The following PCDHGA3 variants were observed in gnomAD, a reference collection of about 807,000 sequenced individuals.
The protein encoded by PCDHGA3 is protocadherin gamma subfamily A, 3, also known as protocadherin gamma-A3.
In PCDHGA3, 40 loss-of-function variants were observed where a neutral mutation model predicts 58.5. The ratio of observed to expected loss-of-function variants is 0.68; its 90% CI spans 0.53 to 0.89. The LOEUF (loss-of-function observed/expected upper bound fraction) is 0.89. Among genes scored for constraint, PCDHGA3 ranks in the 40% least tolerant of loss-of-function variants. The pLI is 0.00. For synonymous variants in PCDHGA3, 530 were observed against 525.7 expected (o/e 1.01, Z -0.11); for missense variants, 1,223 against 1,195.9 (o/e 1.02, Z -0.33).
intron 1 of PCDHGA3, chr5:141,400,399 A>G: frequency 6.2e-7 from 1 of 1,614,054 alleles, no homozygotes; most frequent in Non-Finnish European, 8.5e-7. Context: ...TACAGGAAAG[A>G]CGGAGTTTAA....
chr5:141,383,272 G>T (rs369691483), intron 1 of PCDHGA3: 13 of 1,613,802 alleles, frequency 8.1e-6, no homozygotes, highest in African/African-American at 1.3e-5. Flanking sequence ...GGAAATAATA[G>T]ATATTAATGA....
At chr5:141,422,747 C>T (rs1381295469) in intron 1 of PCDHGA3, 2 of 1,611,224 alleles carry the variant, frequency 1.2e-6, no homozygotes, top group Non-Finnish European at 1.7e-6. Context: ...TCCTATGTCT[C>T]TATTAACTCC....
chr5:141,405,995 A>T (rs985162414), intron 1 of PCDHGA3, among the ~76,000 whole-genome samples: 1 of 151,964 alleles, frequency 6.6e-6, no homozygotes. Context: ...GGTAGCTCTC[A>T]GCCTGCATTG....
intron 1 of PCDHGA3, among the ~76,000 whole-genome samples, chr5:141,474,089 CAAACAACAACAA>C (rs985204397): frequency 3.3e-5 from 5 of 152,116 alleles, no homozygotes; most frequent in Admixed American, 2.0e-4. Flanking sequence ...AACCAAAAAA[CAAACAACAACAA>C]AAACAACAAC....
chr5:141,408,634 A>C, intron 1 of PCDHGA3: 2 of 1,614,040 alleles, frequency 1.2e-6, no homozygotes, highest in South Asian at 2.2e-5. Flanking sequence ...AAATTTTCGA[A>C]TCTGCATCCG....
In PCDHGA3 at chr5:141,344,112, G is replaced by C; in HGVS notation, c.79G>C (p.Gly27Arg). 1 of 1,614,026 alleles carries C rather than the reference G, an allele frequency of 6.2e-7. No homozygotes were observed. Among genetic ancestry groups the C allele is most frequent in the Non-Finnish European group, 8.5e-7 (1 of 1,179,882 alleles). ...GCTCCTGGGGACGCTGTGCGAAACA[G>C]GATCCGGTCAGATCCGCTACTCGGT... Reference protein sequence around the residue: ...CALLGTLCETGSGQIRYSVSE... With the variant: ...CALLGTLCETRSGQIRYSVSE... Residue 27 changes from glycine (G) to arginine (R), a missense_variant, in exon 1 of 4, where the codon GGA becomes CGA. Transcript: ENST00000253812.
Position 141,489,900 on chromosome 5 carries a change from A to T in PCDHGA3, c.2425-4907A>T. ...TTACTGCTGTGGATGGGGGGACCCC[A>T]GCCCGCTCAGGGACCACCCTTATCT... On this transcript the variant is annotated intron_variant, in intron 1 of 3. Coordinates refer to ENST00000253812, the MANE Select transcript of PCDHGA3 (RefSeq NM_018916.4). This position sits in a 1 kb window ranked among gnomAD's most constrained non-coding sequence, Gnocchi z 4.5. The T allele has an allele frequency of 6.2e-7, 1 of 1,614,254 alleles. No homozygotes were observed. The highest frequency in any genetic ancestry group is 8.5e-7 in the Non-Finnish European group (1 of 1,180,044).
chr5:141,371,918 C>T, intron 1 of PCDHGA3: 1 of 1,613,372 alleles, frequency 6.2e-7, no homozygotes, highest in African/African-American at 1.3e-5. Flanking sequence ...TGTCCGTGAG[C>T]GCGCGGAGCG....
At chr5:141,383,494 G>A (rs1472112755) in intron 1 of PCDHGA3, 1 of 1,613,248 alleles carries the variant, frequency 6.2e-7, no homozygotes, top group Non-Finnish European at 8.5e-7. Context: ...GCTGGAGCGG[G>A]TGCTGGACCG....
At chr5:141,423,967 A>C (rs760284844) in intron 1 of PCDHGA3, 11 of 1,153,498 alleles carry the variant, frequency 9.5e-6, no homozygotes, top group Non-Finnish European at 1.2e-5. Flanking sequence ...TTTTTCTATT[A>C]TCAGTGTATG....
intron 1 of PCDHGA3, chr5:141,389,485 A>G (rs2091790696): frequency 1.2e-6 from 2 of 1,612,936 alleles, no homozygotes; most frequent in Non-Finnish European, 1.7e-6. Flanking sequence ...CAGGCCCGCG[A>G]CCAGGGCTCG....
At chr5:141,360,539 A>T (rs1334168978) in intron 1 of PCDHGA3, 1 of 1,614,000 alleles carries the variant, frequency 6.2e-7, no homozygotes, top group Non-Finnish European at 8.5e-7. Flanking sequence ...CTATTCAAAC[A>T]GACTAAGATT....
At chr5:141,358,969 G>C (rs1588537487) in intron 1 of PCDHGA3, among the ~76,000 whole-genome samples, 1 of 152,190 alleles carries the variant, frequency 6.6e-6, no homozygotes. Context: ...GGTTCTGTGA[G>C]AATTCAAAAT....
At chr5:141,434,609 G>A (rs189866750) in intron 1 of PCDHGA3, among the ~76,000 whole-genome samples, 11 of 152,064 alleles carry the variant, frequency 7.2e-5, no homozygotes, top group Non-Finnish European at 1.3e-4. Context: ...CTTTATTTCC[G>A]CCCATCTCTT....
At chr5:141,393,000 G>C (rs772046833) in intron 1 of PCDHGA3, 5 of 1,613,856 alleles carry the variant, frequency 3.1e-6, no homozygotes, top group African/African-American at 1.3e-5. Context: ...GGCGAAGCAC[G>C]GAGTCCGTAT....
rs549307445 is a variant in PCDHGA3, at chr5:141,400,703, G to T, written c.2424+54246G>T. On this transcript the variant is annotated intron_variant, in intron 1 of 3. Transcript: ENST00000253812. The stretch of plus-strand genomic sequence containing the variant: ...TTGTGAGTTTTTATGTCGCATAAAA[G>T]AAGTAGCCTTATAGATTTACAAAGT... 6 of 714,832 alleles carry T rather than the reference G, an allele frequency of 8.4e-6. No homozygotes were observed. In the Admixed American group the frequency reaches 1.4e-4, roughly 17 times the overall value. The allele number at this position is 714,832 out of a possible 1,614,324, so 44.3% of individuals were successfully genotyped here. A position where few individuals can be genotyped will look rare whatever the true frequency, so the allele number is the denominator to read the frequency against.
intron 1 of PCDHGA3, chr5:141,409,339 T>G: frequency 6.2e-7 from 1 of 1,613,954 alleles, no homozygotes; most frequent in South Asian, 1.1e-5. Context: ...TCGGAGGAAA[T>G]GGAGAAGTCA....
At chr5:141,399,655 G>A in intron 1 of PCDHGA3, 2 of 1,613,730 alleles carry the variant, frequency 1.2e-6, no homozygotes, top group South Asian at 1.1e-5. Context: ...AAGTGGGGTG[G>A]TGTTCGCGCA....
Position 141,487,390 on chromosome 5 carries a change from G to A in PCDHGA3, c.2425-7417G>A, listed in dbSNP as rs769886634. On this transcript the variant is annotated intron_variant, in intron 1 of 3. Coordinates refer to ENST00000253812, the MANE Select transcript of PCDHGA3 (RefSeq NM_018916.4). The surrounding 1 kb of genome is among the most constrained non-coding windows in gnomAD (Gnocchi z 5.0). The stretch of plus-strand genomic sequence containing the variant: ...GTGCCTGTCTCACCAGATCTCGAAG[G>A]AGGGAGGGGCTTCCCCCTTCCAATG... 1.2e-6 allele frequency: 2 copies of A among 1,614,182 alleles called. No homozygotes were observed. The highest frequency in any genetic ancestry group is 1.3e-5 in the African/African-American group (1 of 75,070).
Sources: allele counts gnomAD v4.1 joint callset (sites outside exome capture counted in the v4.1 genomes callset), GRCh38; gene constraint gnomAD v4.1.1; non-coding constraint Gnocchi (gnomAD v3.1); transcripts MANE v1.5; gene names NCBI Gene and HGNC (gene_info 2026-07-23, HGNC 2026-07-21).